PDILT: variants seen among roughly 807,000 people sequenced by gnomAD.
The protein encoded by PDILT is protein disulfide-isomerase-like protein of the testis.
A neutral mutation model predicts 53.7 loss-of-function variants in PDILT; 43 were observed. The ratio of observed to expected loss-of-function variants is 0.80; its 90% CI spans 0.63 to 1.03. The LOEUF (loss-of-function observed/expected upper bound fraction) is 1.03. Among genes scored for constraint, PDILT ranks in the 50% least tolerant of loss-of-function variants. The pLI is 0.00. For synonymous variants in PDILT, 282 were observed against 274.2 expected, an observed-to-expected ratio of 1.03 and a Z score of -0.28; for missense variants, 727 against 712.3, an observed-to-expected ratio of 1.02 and a Z score of -0.24.
At chr16:20,365,256 G>A (rs1966172323) in intron 9 of PDILT, among the ~76,000 whole-genome samples, 164 bp downstream of exon 9, 2 of 152,144 alleles carry the variant, frequency 1.3e-5, no homozygotes, top group South Asian at 2.1e-4. Flanking sequence ...GAGTTGCATT[G>A]TTCCTGATAG....
At chr16:20,383,122 T>G (rs1014435941) in intron 3 of PDILT, among the ~76,000 whole-genome samples, 12 of 152,160 alleles carry the variant, frequency 7.9e-5, no homozygotes, top group Non-Finnish European at 1.6e-4. Flanking sequence ...TGAAGGGGGC[T>G]CAGAAGTCAA....
intron 2 of PDILT, among the ~76,000 whole-genome samples, chr16:20,397,438 C>T (rs904768576): frequency 3.9e-5 from 6 of 152,214 alleles, no homozygotes; most frequent in African/African-American, 4.8e-5. Context: ...CTACCATGCC[C>T]AGCCTATAAA....
intron 2 of PDILT, 119 bp downstream of exon 2, chr16:20,398,980 G>A (rs1966695225): frequency 5.5e-6 from 6 of 1,085,266 alleles, no homozygotes; most frequent in Non-Finnish European, 8.1e-6. Context: ...TTAAATGTCT[G>A]TTTTAAATAA....
In PDILT at chr16:20,374,882, C is replaced by G. The variant is rs138738071; in HGVS notation, c.621G>C (p.Thr207=). Residue 207 remains threonine (T), a synonymous_variant, in exon 5 of 12, where the codon ACG becomes ACC. Transcript: ENST00000302451. ...DFPELTFGVI[T]IGNVIGRFHV... ...GGAAACGCCCAATGACATTGCCAAT[C>G]GTTATGACTCCAAACGTTAGCTCTG... The G allele has an allele frequency of 2.5e-6, 4 of 1,613,980 alleles. No homozygotes were observed. The highest frequency in any genetic ancestry group is 3.4e-6 in the Non-Finnish European group (4 of 1,179,996).
At chr16:20,369,985 A>T (rs1966279969) in intron 7 of PDILT, among the ~76,000 whole-genome samples, 1 of 152,236 alleles carries the variant, frequency 6.6e-6, no homozygotes, top group Non-Finnish European at 1.5e-5. Flanking sequence ...AATGATTATC[A>T]TAGTGACTAT....
intron 8 of PDILT, among the ~76,000 whole-genome samples, chr16:20,368,651 C>G (rs574992014): frequency 4.1e-4 from 62 of 152,166 alleles, no homozygotes; most frequent in Non-Finnish European, 8.1e-4. Context: ...GGCTGGAGTG[C>G]AGTGGTGTGA....
intron 2 of PDILT, among the ~76,000 whole-genome samples, chr16:20,395,304 C>T (rs1009131847): frequency 6.6e-6 from 1 of 152,162 alleles, no homozygotes; most frequent in South Asian, 2.1e-4. Flanking sequence ...TAAGATGTTA[C>T]CAAAGTGATT....
At chr16:20,375,030 G>A (rs765757596) in intron 4 of PDILT, 71 bp from the exon 5 acceptor site, 31 of 1,472,522 alleles carry the variant, frequency 2.1e-5, no homozygotes, top group South Asian at 2.7e-5. Context: ...AGGGAAAGAC[G>A]GCAGTGGTGG....
intron 2 of PDILT, chr16:20,391,245 G>A (rs113004596): frequency 6.9e-4 from 111 of 161,674 alleles, no homozygotes; most frequent in African/African-American, 2.4e-3. Flanking sequence ...CACCATCATC[G>A]AAATTGTCAT....
At chr16:20,373,851 G>T (rs779748383) in intron 5 of PDILT, among the ~76,000 whole-genome samples, 1 of 152,170 alleles carries the variant, frequency 6.6e-6, no homozygotes, top group Non-Finnish European at 1.5e-5. Context: ...GCCTACTCTG[G>T]CTTGGGAGGC....
At chr16:20,370,868 A>C (rs1470710419) in intron 7 of PDILT, among the ~76,000 whole-genome samples, 1 of 152,214 alleles carries the variant, frequency 6.6e-6, no homozygotes, top group Non-Finnish European at 1.5e-5. Flanking sequence ...GACAGTTTAC[A>C]AATGCCATGG....
chr16:20,367,063 CT>C lies in PDILT; in HGVS notation c.1117-1524del, dbSNP rs773913172. 1.9e-4 allele frequency among the ~76,000 whole-genome samples: 22 copies of C among 116,588 alleles called. 2 individuals are homozygous for C. Among genetic ancestry groups the C allele is most frequent in the African/African-American group, 5.2e-4 (15 of 28,650 alleles). 76.5% of individuals were successfully genotyped at this position (116,588 alleles called of 152,430 possible). On this transcript the variant is annotated intron_variant, in intron 8 of 11. Transcript: ENST00000302451. ...TCTTTCTTTCTTTCTTTCTTTCTTT[CT>C]TTCTTTCTTTCTTTCTTTCTTTCTT...
intron 2 of PDILT, among the ~76,000 whole-genome samples, chr16:20,392,929 G>A (rs1235181463): frequency 1.3e-5 from 2 of 152,152 alleles, no homozygotes; most frequent in African/African-American, 2.4e-5. Flanking sequence ...GACTGGACAG[G>A]TTTCCCAGCC....
At chr16:20,370,590 G>A (rs7500066) in intron 7 of PDILT, among the ~76,000 whole-genome samples, 10 of 152,206 alleles carry the variant, frequency 6.6e-5, no homozygotes, top group African/African-American at 2.4e-4. Flanking sequence ...AGTCAGTGTG[G>A]CTTTGTCAGA....
chr16:20,359,501 T>C lies in PDILT; in HGVS notation c.1573A>G (p.Met525Val), dbSNP rs376735557. ...EVLAEEKEVP[M>V]MRKGLPEQQS... ...TGTTCAGGTAACCCTTTCCTCATCA[T>C]AGGCACCTCCTTTTCCTCAGCTAGC... The change falls in exon 12 of 12, where the codon ATG becomes GTG. Residue 525 changes from methionine (M) to valine (V), a missense_variant. Physicochemically the swap from Met to Val is conservative, Grantham distance 21. Transcript: ENST00000302451. 1.4e-5 allele frequency: 22 copies of C among 1,614,008 alleles called. No homozygotes were observed. Among genetic ancestry groups the C allele is most frequent in the Non-Finnish European group, 1.8e-5 (21 of 1,180,002 alleles).
intron 7 of PDILT, among the ~76,000 whole-genome samples, chr16:20,371,381 A>G (rs1966304120): frequency 6.6e-6 from 1 of 152,216 alleles, no homozygotes; most frequent in East Asian, 1.9e-4. Flanking sequence ...AGGGTCAGAT[A>G]CTTGCAGTTC....
intron 2 of PDILT, among the ~76,000 whole-genome samples, chr16:20,397,006 G>A (rs1244047324): frequency 2.0e-5 from 3 of 152,210 alleles, no homozygotes; most frequent in Non-Finnish European, 4.4e-5. Context: ...GAAAACTGGC[G>A]AGGATGATGA....
At chr16:20,381,611 G>A (rs1419594356) in intron 3 of PDILT, among the ~76,000 whole-genome samples, 1 of 148,392 alleles carries the variant, frequency 6.7e-6, no homozygotes, top group South Asian at 2.2e-4. Context: ...ACTCCAGCCT[G>A]GCAAAACAGT....
intron 5 of PDILT, among the ~76,000 whole-genome samples, chr16:20,373,932 T>C (rs1047786468): frequency 1.3e-5 from 2 of 152,136 alleles, no homozygotes; most frequent in Non-Finnish European, 2.9e-5. Flanking sequence ...TTTTCTTTTA[T>C]CTTTATTATT....
Sources: gnomAD v4.1 joint callset for allele counts (sites outside exome capture counted in the v4.1 genomes callset) on GRCh38, gnomAD v4.1.1 for gene constraint, MANE v1.5 for transcripts, NCBI Gene and HGNC (gene_info 2026-07-23, HGNC 2026-07-21) for gene names.